Variants in LDHD observed in about 807,000 individuals in gnomAD.
LDHD encodes the protein D-lactate dehydrogenase, mitochondrial.
In LDHD, 58 loss-of-function variants were observed where a neutral mutation model predicts 52.9. That is an observed-to-expected ratio of 1.10 (90% CI 0.89 to 1.36). The LOEUF (loss-of-function observed/expected upper bound fraction) is 1.36, where lower values mean the gene tolerates loss of function less well. LDHD is among the 40% of genes most tolerant of loss of function. The pLI is 0.00. For missense variants in LDHD, 747 were observed against 668.0 expected (o/e 1.12, Z -1.30); for synonymous variants, 350 against 288.6 (o/e 1.21, Z -2.16).
intron 1 of LDHD, 88 bp from the exon 2 acceptor site, chr16:75,115,748 T>C: frequency 1.2e-6 from 1 of 821,606 alleles, no homozygotes; most frequent in Non-Finnish European, 1.9e-6. Flanking sequence ...GGCTGGGGGC[T>C]GGAGGCTGGA....
rs780425375 is a variant in LDHD, at chr16:75,113,773, C to G, written c.927G>C (p.Gln309His). The G allele has an allele frequency of 1.9e-6, 3 of 1,613,852 alleles. No individual in the cohort carries two copies. Among genetic ancestry groups the G allele is most frequent in the African/African-American group, 1.3e-5 (1 of 74,910 alleles). The change falls in exon 7 of 11, where the codon CAG becomes CAC. Residue 309 changes from glutamine to histidine, a missense_variant. Physicochemically the swap from Gln to His is conservative, Grantham distance 24. Transcript: ENST00000450168. ...PTLFLEFHGS[Q>H]QALEEQLQRT... ...GCTGCAGCTGCTCCTCCAGTGCCTG[C>G]TGGGAGCCATGGAACTCCAGGAAGA... is the stretch of plus-strand genomic sequence containing the variant.
Position 75,113,604 on chromosome 16 carries a change from C to T in LDHD, c.1017G>A (p.Glu339=). The stretch of plus-strand genomic sequence containing the variant: ...GCCGTGCTGTCCAAAGCCGGCTGCG[C>T]TCCTCGGCCTCCTTGGCCCAGGAGA... ...SDFSWAKEAE[E]RSRLWTARHN... Residue 339 remains glutamate (E), a synonymous_variant, in exon 8 of 11, where the codon GAG becomes GAA. Transcript: ENST00000450168. The T allele has an allele frequency of 1.2e-6, 2 of 1,613,240 alleles. No homozygotes were observed. The highest frequency in any genetic ancestry group is 8.5e-7 in the Non-Finnish European group (1 of 1,180,004).
Position 75,112,716 on chromosome 16 carries a change from G to A in LDHD, c.1178-3C>T. ...ACCCACATGCCCGACAATGCTTCCT[G>A]GGGGCCCAGAGGACAGAACTATTCT... is the stretch of plus-strand genomic sequence containing the variant. On this transcript the variant is annotated splice_region_variant and splice_polypyrimidine_tract_variant and intron_variant, in intron 9 of 10. Coordinates refer to ENST00000450168, the MANE Select transcript of LDHD (RefSeq NM_194436.3). The A allele has an allele frequency of 6.2e-7, 1 of 1,612,702 alleles. No individual in the cohort carries two copies. The highest frequency in any genetic ancestry group is 1.7e-5 in the Admixed American group (1 of 60,004).
chr16:75,113,607 C>T lies in LDHD; in HGVS notation c.1014G>A (p.Glu338=). The change falls in exon 8 of 11, where the codon GAG becomes GAA. Residue 338 remains glutamate (E), a synonymous_variant. Transcript: ENST00000450168. ...GTGCTGTCCAAAGCCGGCTGCGCTC[C>T]TCGGCCTCCTTGGCCCAGGAGAAGT... is the stretch of plus-strand genomic sequence containing the variant. ...ASDFSWAKEA[E]ERSRLWTARH... The T allele has an allele frequency of 6.2e-7, 1 of 1,613,166 alleles. No homozygotes were observed. The highest frequency in any genetic ancestry group is 1.7e-5 in the Admixed American group (1 of 60,020).
chr16:75,114,668 A>G lies in LDHD; in HGVS notation c.487T>C (p.Ser163Pro). The G allele has an allele frequency of 1.3e-6, 2 of 1,532,860 alleles. No individual in the cohort carries two copies. Among genetic ancestry groups the G allele is most frequent in the Non-Finnish European group, 1.8e-6 (2 of 1,140,566 alleles). The allele number at this position is 1,532,860 out of a possible 1,614,324, so 95.0% of individuals were successfully genotyped here. A position where few individuals can be genotyped will look rare whatever the true frequency, so the allele number is the denominator to read the frequency against. Residue 163 changes from serine (S) to proline (P), a missense_variant, in exon 5 of 11, where the codon TCT becomes CCT. By Grantham distance (74) the Ser-to-Pro change is moderately conservative. Coordinates refer to ENST00000450168, the MANE Select transcript of LDHD (RefSeq NM_194436.3). Reference sequence around the variant, plus strand: ...CCGGTGGCCGCCATGCCACAGAGAGAGGCGTCCGCGCCTGGGTCTGGAGGG... The same window carrying G: ...CCGGTGGCCGCCATGCCACAGAGAGGGGCGTCCGCGCCTGGGTCTGGAGGG... ...WFPVDPGADA[S>P]LCGMAATGAS...
In LDHD at chr16:75,111,907, C is replaced by G. The variant is rs2036400295; in HGVS notation, c.*449G>C. 1 of 139,496 alleles carries G rather than the reference C, an allele frequency of 7.2e-6. No homozygotes were observed. The highest frequency in any genetic ancestry group is 1.7e-5 in the Non-Finnish European group (1 of 60,362). The allele number at this position is 139,496 out of a possible 1,614,324, so 8.6% of individuals were successfully genotyped here. ...TTATTACAGATTTATTGGGGGAGGCCCCAAGGAGAAGACCTATCATCATGT... is the reference window on the plus strand; with the variant it reads ...TTATTACAGATTTATTGGGGGAGGCGCCAAGGAGAAGACCTATCATCATGT... On this transcript the variant is annotated 3_prime_UTR_variant, in exon 11 of 11. Transcript: ENST00000450168.
Position 75,115,574 on chromosome 16 carries a change from C to G in LDHD, c.159G>C (p.Gln53His). ...TGTGCACCGACTCATCGCGCCCGTG[C>G]TGCTCTCGGACCACCGCGGCAGTGG... ...HVSTAAVVRE[Q>H]HGRDESVHRC... Residue 53 changes from glutamine to histidine, a missense_variant, in exon 2 of 11, where the codon CAG becomes CAC. Coordinates refer to ENST00000450168, the MANE Select transcript of LDHD (RefSeq NM_194436.3). The G allele has an allele frequency of 6.2e-7, 1 of 1,612,992 alleles. No individual in the cohort carries two copies.
At position 75,115,589 on chromosome 16, in the gene LDHD, C is replaced by A; in HGVS notation, c.144G>T (p.Ala48=). The A allele has an allele frequency of 1.2e-6, 2 of 1,612,958 alleles. No individual in the cohort carries two copies. The highest frequency in any genetic ancestry group is 2.2e-5 in the East Asian group (1 of 44,874). ...CGCGCCCGTGCTGCTCTCGGACCAC[C>A]GCGGCAGTGGACACGTGGGAGCCGC... ...VVGGSHVSTA[A]VVREQHGRDE... Residue 48 remains alanine, a synonymous_variant, in exon 2 of 11, where the codon GCG becomes GCT. Coordinates refer to ENST00000450168, the MANE Select transcript of LDHD (RefSeq NM_194436.3).
At position 75,112,644 on chromosome 16, in the gene LDHD, T is replaced by G. The variant is rs2145439723; in HGVS notation, c.1247A>C (p.Glu416Ala). ...CILLVNPDDA[E>A]ELGRVKAFAE... The stretch of plus-strand genomic sequence containing the variant: ...AAAAGCCTTGACCCTGCCCAGTTCC[T>G]CGGCGTCATCAGGGTTGACCAGCAG... The change falls in exon 10 of 11, where the codon GAG (glutamate) becomes GCG (alanine). Residue 416 changes from glutamate to alanine, a missense_variant. Glu to Ala is a moderately radical substitution (Grantham distance 107). Coordinates refer to ENST00000450168, the MANE Select transcript of LDHD (RefSeq NM_194436.3). 2 of 1,614,136 alleles carry G rather than the reference T, an allele frequency of 1.2e-6. No homozygotes were observed. The highest frequency in any genetic ancestry group is 1.7e-6 in the Non-Finnish European group (2 of 1,180,030).
At chr16:75,114,765 C>A in intron 4 of LDHD, 62 bp downstream of exon 4, 1 of 1,579,842 alleles carries the variant, frequency 6.3e-7, no homozygotes, top group Non-Finnish European at 8.6e-7. Flanking sequence ...TCCCCTGAAC[C>A]CCAGACACAG....
Position 75,114,069 on chromosome 16 carries a change from G to T in LDHD, c.726C>A (p.Ala242=). The T allele has an allele frequency of 6.2e-7, 1 of 1,611,210 alleles. No homozygotes were observed. Among genetic ancestry groups the T allele is most frequent in the South Asian group, 1.1e-5 (1 of 91,056 alleles). The change falls in exon 6 of 11, where the codon GCC becomes GCA. Residue 242 remains alanine (A), a synonymous_variant. Coordinates refer to ENST00000450168, the MANE Select transcript of LDHD (RefSeq NM_194436.3). ...ACGTGGCGGCCACTGTGGCCTCAGG[G>T]GCAGGGTGCAGGCGCAGGGTGGTGG... ...ITATTLRLHP[A]PEATVAATCA... is the part of the protein sequence containing the mutation.
Position 75,112,325 on chromosome 16 carries a change from G to C in LDHD, c.*31C>G. ...GTTCCAGAACCGGCTCCGTAGTCAGGGAACTTGTGGGCTAAGTGCTCAGAC... is the reference window on the plus strand; with the variant it reads ...GTTCCAGAACCGGCTCCGTAGTCAGCGAACTTGTGGGCTAAGTGCTCAGAC... On this transcript the variant is annotated 3_prime_UTR_variant, in exon 11 of 11. Transcript: ENST00000450168. The C allele has an allele frequency of 6.3e-7, 1 of 1,576,512 alleles. No individual in the cohort carries two copies. Among genetic ancestry groups the C allele is most frequent in the East Asian group, 2.3e-5 (1 of 44,080 alleles).
Position 75,116,751 on chromosome 16 carries a change from T to A in LDHD, c.-31A>T, listed in dbSNP as rs2036565954. 6.7e-6 allele frequency: 10 copies of A among 1,491,788 alleles called. No individual in the cohort carries two copies. The highest frequency in any genetic ancestry group is 9.0e-6 in the Non-Finnish European group (10 of 1,105,874). The allele number at this position is 1,491,788 out of a possible 1,614,324, so 92.4% of individuals were successfully genotyped here. On this transcript the variant is annotated 5_prime_UTR_variant, in exon 1 of 11. Transcript: ENST00000450168. ...GGCACTGGCCAGAGGGTGTGAGCAC[T>A]GGGTGGCAGGGTGACCAGTCAGCTA...
Position 75,112,674 on chromosome 16 carries a change from CA to C in LDHD, c.1216del (p.Cys406AlafsTer67). The part of the protein sequence containing the change: ...VGHVGDGNFH[C>X]ILLVNPDDAE... ...GTCATCAGGGTTGACCAGCAGGATG[CA>C]GTGGAAGTTGCCGTCACCCACATGC... On this transcript the variant is annotated frameshift_variant, in exon 10 of 11. Transcript: ENST00000450168. LOFTEE classifies it high-confidence loss of function. The C allele has an allele frequency of 6.2e-7, 1 of 1,614,156 alleles. No homozygotes were observed.
rs2036399914 is a variant in LDHD at position 75,111,897 on chromosome 16, T to C, written c.*459A>G. 6.7e-6 allele frequency: 1 copy of C among 149,180 alleles called. No individual in the cohort carries two copies. Among genetic ancestry groups the C allele is most frequent in the African/African-American group, 2.4e-5 (1 of 41,282 alleles). The allele number at this position is 149,180 out of a possible 1,614,324, so 9.2% of individuals were successfully genotyped here. ...GGTTTCAGGTTTATTACAGATTTAT[T>C]GGGGGAGGCCCCAAGGAGAAGACCT... is the stretch of plus-strand genomic sequence containing the variant. On this transcript the variant is annotated 3_prime_UTR_variant, in exon 11 of 11. Coordinates refer to ENST00000450168, the MANE Select transcript of LDHD (RefSeq NM_194436.3).
rs1173523546 is a variant in LDHD, at chr16:75,114,853, C to A, written c.443G>T (p.Arg148Leu). Reference sequence around the variant, plus strand: ...CACGGGAAACCAGAGGCCGCTGTCCCGCAGGTGGGCGTTGAGGGCTTTGCG... The same window carrying A: ...CACGGGAAACCAGAGGCCGCTGTCCAGCAGGTGGGCGTTGAGGGCTTTGCG... ...VTRKALNAHLRDSGLWFPVDP... is the reference protein window; with the variant it reads ...VTRKALNAHLLDSGLWFPVDP... Residue 148 changes from arginine to leucine, a missense_variant, in exon 4 of 11, where the codon CGG becomes CTG. By Grantham distance (102) the Arg-to-Leu change is moderately radical. Transcript: ENST00000450168. 1 of 1,613,640 alleles carries A rather than the reference C, an allele frequency of 6.2e-7. No homozygotes were observed. Among genetic ancestry groups the A allele is most frequent in the Non-Finnish European group, 8.5e-7 (1 of 1,179,884 alleles).
chr16:75,112,479 G>A lies in LDHD; in HGVS notation c.1332C>T (p.Gly444=), dbSNP rs556265626. ...ALHGTCTGEH[G]IGMGKRQLLQ... ...GCAGCTGCCGCTTGCCCATTCCGAT[G>A]CCATGCTCCCCCGTGCACGTTCCGT... Residue 444 remains glycine (G), a synonymous_variant, in exon 11 of 11, where the codon GGC becomes GGT. Coordinates refer to ENST00000450168, the MANE Select transcript of LDHD (RefSeq NM_194436.3). The A allele has an allele frequency of 6.2e-7, 1 of 1,613,418 alleles. No individual in the cohort carries two copies. Among genetic ancestry groups the A allele is most frequent in the South Asian group, 1.1e-5 (1 of 91,070 alleles).
At chr16:75,114,747 G>T in intron 4 of LDHD, 62 bp from the exon 5 acceptor site, 1 of 1,564,898 alleles carries the variant, frequency 6.4e-7, no homozygotes, top group Non-Finnish European at 8.7e-7. Flanking sequence ...CGGGCTGGGG[G>T]AGGAAGGTCC....
At chr16:75,112,552 G>T in intron 10 of LDHD, 31 bp from the exon 11 acceptor site, 1 of 1,613,060 alleles carries the variant, frequency 6.2e-7, no homozygotes, top group African/African-American at 1.3e-5. Flanking sequence ...TCCTCAGGGG[G>T]CTCCCTTTCC....
Sources: allele counts gnomAD v4.1 joint callset, GRCh38; gene constraint gnomAD v4.1.1; transcripts MANE v1.5; gene names NCBI Gene and HGNC (gene_info 2026-07-23, HGNC 2026-07-21).